Variants in EFNB2 observed in about 807,000 individuals in gnomAD.
The protein encoded by EFNB2 is ephrin-B2.
Under a neutral mutation model 32.1 loss-of-function variants are expected in EFNB2, and 5 were observed. The observed-to-expected ratio is 0.16, with a 90% CI of 0.08 to 0.33. The LOEUF is 0.33. EFNB2 is among the 10% of genes least tolerant of loss of function. The pLI is 1.00. For missense variants in EFNB2, 263 were observed against 422.6 expected, an observed-to-expected ratio of 0.62 and a Z score of 3.31; for synonymous variants, 168 against 166.5, an observed-to-expected ratio of 1.01 and a Z score of -0.07.
rs1262087515 is a variant in EFNB2 at position 106,493,246 on chromosome 13, T to C, written c.796A>G (p.Thr266Ala). The change falls in exon 5 of 5, where the codon ACG becomes GCG. Residue 266 changes from threonine (T) to alanine (A), a missense_variant. Physicochemically the swap from Thr to Ala is moderately conservative, Grantham distance 58 (BLOSUM62 0). Around this residue, in one of 3 missense-constraint regions of EFNB2, gnomAD observed 172 missense variants for 237.1 expected, o/e 0.73. Coordinates refer to ENST00000646441, the MANE Select transcript of EFNB2 (RefSeq NM_004093.4). This position sits in a 1 kb window ranked among gnomAD's most constrained non-coding sequence, Gnocchi z 6.1. ...GTGGCCAGTGTGCTGAGCGACAGCG[T>C]GGTCGTGTGCTGCGGCGAGTGCTTC... The part of the protein sequence containing the change: ...HRKHSPQHTT[T>A]LSLSTLATPK... 6.2e-7 allele frequency: 1 copy of C among 1,614,150 alleles called. No individual in the cohort carries two copies. The highest frequency in any genetic ancestry group is 1.1e-5 in the South Asian group (1 of 91,074).
chr13:106,493,404 G>T lies in EFNB2; in HGVS notation c.638C>A (p.Ala213Asp). ...NPGSSTDGNS[A>D]GHSGNNILGS... is the part of the protein sequence containing the mutation. ...GAGGATGTTGTTCCCCGAATGTCCG[G>T]CGCTGTTGCCGTCTGTGCTAGAACC... The change falls in exon 5 of 5, where the codon GCC (alanine) becomes GAC (aspartate). Residue 213 changes from alanine (A) to aspartate (D), a missense_variant. Ala to Asp is a moderately radical substitution (Grantham distance 126). Around this residue, in one of 3 missense-constraint regions of EFNB2, gnomAD observed 172 missense variants for 237.1 expected, o/e 0.73. Coordinates refer to ENST00000646441, the MANE Select transcript of EFNB2 (RefSeq NM_004093.4). The surrounding 1 kb of genome is among the most constrained non-coding windows in gnomAD (Gnocchi z 6.1). 1 of 1,613,360 alleles carries T rather than the reference G, an allele frequency of 6.2e-7. No homozygotes were observed. The highest frequency in any genetic ancestry group is 1.3e-5 in the African/African-American group (1 of 75,038).
intron 1 of EFNB2, among the ~76,000 whole-genome samples, chr13:106,529,522 C>T (rs1879807081): frequency 6.6e-6 from 1 of 152,192 alleles, no homozygotes; most frequent in African/African-American, 2.4e-5. Flanking sequence ...TCAGCCATCC[C>T]AGACCACAAG....
At chr13:106,521,101 T>C (rs1254321152) in intron 1 of EFNB2, 1 of 152,088 alleles carries the variant, frequency 6.6e-6, no homozygotes. Context: ...TTTCACACTT[T>C]CCTAAAACAA....
At chr13:106,531,994 A>C (rs532288303) in intron 1 of EFNB2, among the ~76,000 whole-genome samples, 2 of 152,086 alleles carry the variant, frequency 1.3e-5, no homozygotes, top group South Asian at 4.2e-4. Context: ...TCTTGGAAGA[A>C]AATGTTCTAC....
In EFNB2 at chr13:106,493,222, T is replaced by C. The variant is rs1878472506; in HGVS notation, c.820A>G (p.Thr274Ala). 1 of 1,614,102 alleles carries C rather than the reference T, an allele frequency of 6.2e-7. No individual in the cohort carries two copies. The highest frequency in any genetic ancestry group is 1.7e-5 in the Admixed American group (1 of 60,004). Residue 274 changes from threonine to alanine, a missense_variant, in exon 5 of 5, where the codon ACA becomes GCA. Around this residue, in one of 3 missense-constraint regions of EFNB2, gnomAD observed 172 missense variants for 237.1 expected, o/e 0.73. Coordinates refer to ENST00000646441, the MANE Select transcript of EFNB2 (RefSeq NM_004093.4). The surrounding 1 kb of genome is among the most constrained non-coding windows in gnomAD (Gnocchi z 6.1). ...TTTLSLSTLA[T>A]PKRSGNNNGS... Reference sequence around the variant, plus strand: ...TTGTTGTTGCCGCTGCGCTTGGGTGTGGCCAGTGTGCTGAGCGACAGCGTG... The same window carrying C: ...TTGTTGTTGCCGCTGCGCTTGGGTGCGGCCAGTGTGCTGAGCGACAGCGTG...
intron 2 of EFNB2, chr13:106,505,987 CGA>C (rs1373885207): frequency 2.0e-5 from 3 of 152,200 alleles, no homozygotes; most frequent in Non-Finnish European, 4.4e-5. Flanking sequence ...CCGCTATACC[CGA>C]GAGCCAGGAG....
intron 1 of EFNB2, among the ~76,000 whole-genome samples, chr13:106,514,708 C>T (rs1243943259): frequency 1.3e-5 from 2 of 152,128 alleles, no homozygotes; most frequent in Non-Finnish European, 2.9e-5. Flanking sequence ...GTTTCTCATA[C>T]ACTCCAAACC....
intron 2 of EFNB2, among the ~76,000 whole-genome samples, chr13:106,500,017 T>TA (rs1262680103): frequency 6.6e-6 from 1 of 152,226 alleles, no homozygotes; most frequent in East Asian, 1.9e-4. Context: ...TATTTGCACC[T>TA]ATACTTATCT....
rs1170645722 is a variant in EFNB2 at position 106,492,083 on chromosome 13, C to T, written c.*957G>A. The T allele has an allele frequency of 6.6e-6, 1 of 152,664 alleles. No homozygotes were observed. Among genetic ancestry groups the T allele is most frequent in the African/African-American group, 2.4e-5 (1 of 41,442 alleles). The allele number at this position is 152,664 out of a possible 1,614,324, so 9.5% of individuals were successfully genotyped here. ...CCCAACAATACCCGTCTTTGTTCCC[C>T]GGAATGAAGAGGGGCTTTTCTTCCT... is the stretch of plus-strand genomic sequence containing the variant. On this transcript the variant is annotated 3_prime_UTR_variant, in exon 5 of 5. Coordinates refer to ENST00000646441, the MANE Select transcript of EFNB2 (RefSeq NM_004093.4). This position sits in a 1 kb window ranked among gnomAD's most constrained non-coding sequence, Gnocchi z 5.1.
In EFNB2 at chr13:106,518,687, C is replaced by T. The variant is rs1015032979; in HGVS notation, c.123-5875G>A. 1 of 152,114 alleles carries T rather than the reference C, an allele frequency of 6.6e-6. No homozygotes were observed. The highest frequency in any genetic ancestry group is 1.5e-5 in the Non-Finnish European group (1 of 68,046). The allele number at this position is 152,114 out of a possible 1,614,324, so 9.4% of individuals were successfully genotyped here. A position where few individuals can be genotyped will look rare whatever the true frequency, so the allele number is the denominator to read the frequency against. ...CTTTGCCCAGTGTAATAGGAGGATC[C>T]GTGGGAAGCCAGCAGTGGAGAAGTT... On this transcript the variant is annotated intron_variant, in intron 1 of 4. Transcript: ENST00000646441. The surrounding 1 kb of genome is among the most constrained non-coding windows in gnomAD (Gnocchi z 4.1).
In EFNB2 at chr13:106,534,972, C is replaced by A. The variant is rs1001802406; in HGVS notation, c.-8G>T. 1.2e-6 allele frequency: 2 copies of A among 1,612,482 alleles called. No homozygotes were observed. Among genetic ancestry groups the A allele is most frequent in the African/African-American group, 2.7e-5 (2 of 74,880 alleles). On this transcript the variant is annotated 5_prime_UTR_variant, in exon 1 of 5. Transcript: ENST00000646441. Reference sequence around the variant, plus strand: ...GTCCCTTCTCACAGCCATGGCGAAGCCACTCCCAGCTCCGCGCACTCCGGG... The same window carrying A: ...GTCCCTTCTCACAGCCATGGCGAAGACACTCCCAGCTCCGCGCACTCCGGG...
intron 1 of EFNB2, among the ~76,000 whole-genome samples, chr13:106,526,694 A>G (rs1274979053): frequency 2.0e-5 from 3 of 152,154 alleles, no homozygotes; most frequent in Non-Finnish European, 4.4e-5. Context: ...CTTCTTCTGC[A>G]GCTAGGTACA....
Position 106,533,102 on chromosome 13 carries a change from G to GAAA in EFNB2, c.122+1738_122+1740dup, listed in dbSNP as rs61297084. On this transcript the variant is annotated intron_variant, in intron 1 of 4. Transcript: ENST00000646441. Reference sequence around the variant, plus strand: ...AAACAGAAATATTAAATCCTCATAAGAAAAAAAAAAACAGCCTCAAAGAGA... The same window carrying GAAA: ...AAACAGAAATATTAAATCCTCATAAGAAAAAAAAAAAAAACAGCCTCAAAGAGA... Among the ~76,000 whole-genome samples, 853 of 147,446 alleles carry GAAA rather than the reference G, an allele frequency of 5.8e-3. 7 individuals are homozygous for GAAA. The highest frequency in any genetic ancestry group is 0.018 in the African/African-American group (742 of 40,324).
At position 106,504,282 on chromosome 13, in the gene EFNB2, G is replaced by A. The variant is rs2138911167; in HGVS notation, c.406+8247C>T. On this transcript the variant is annotated intron_variant, in intron 2 of 4. Coordinates refer to ENST00000646441, the MANE Select transcript of EFNB2 (RefSeq NM_004093.4). ...ATTGCGAGACGAGTGGCACTGAAGT[G>A]GAAAACATCCATCGGAGGCAGAGTT... 2.0e-5 allele frequency among the ~76,000 whole-genome samples: 3 copies of A among 152,330 alleles called. No individual in the cohort carries two copies. In the South Asian group the frequency reaches 6.2e-4, roughly 32 times the overall value.
At chr13:106,507,913 A>G (rs1342173166) in intron 2 of EFNB2, among the ~76,000 whole-genome samples, 1 of 152,228 alleles carries the variant, frequency 6.6e-6, no homozygotes, top group Non-Finnish European at 1.5e-5. Flanking sequence ...CTAAATTGGG[A>G]GGCGCTTCAT....
intron 2 of EFNB2, among the ~76,000 whole-genome samples, chr13:106,500,597 G>A (rs902765517): frequency 1.4e-4 from 22 of 152,142 alleles, no homozygotes; most frequent in African/African-American, 4.6e-4. Flanking sequence ...CCACAGAGTC[G>A]TCAGAATAAA....
At chr13:106,513,308 A>G (rs1347648990) in intron 1 of EFNB2, among the ~76,000 whole-genome samples, 1 of 152,228 alleles carries the variant, frequency 6.6e-6, no homozygotes. Flanking sequence ...GACAAGTTTC[A>G]TCAAGAATGT....
At position 106,493,520 on chromosome 13, in the gene EFNB2, A is replaced by G; in HGVS notation, c.614-92T>C. The G allele has an allele frequency of 6.7e-7, 1 of 1,488,006 alleles. No individual in the cohort carries two copies. Among genetic ancestry groups the G allele is most frequent in the Non-Finnish European group, 8.9e-7 (1 of 1,118,408 alleles). The allele number at this position is 1,488,006 out of a possible 1,614,324, so 92.2% of individuals were successfully genotyped here. A position where few individuals can be genotyped will look rare whatever the true frequency, so the allele number is the denominator to read the frequency against. ...TATGACCCTTAAAAATGTGAAAAAT[A>G]AGCCAGGCTTATTACTAACTAGAAG... On this transcript the variant is annotated intron_variant, in intron 4 of 4. Transcript: ENST00000646441. The surrounding 1 kb of genome is among the most constrained non-coding windows in gnomAD (Gnocchi z 6.1).
At chr13:106,494,152 T>A (rs1338289173) in intron 4 of EFNB2, among the ~76,000 whole-genome samples, 1 of 152,328 alleles carries the variant, frequency 6.6e-6, no homozygotes, top group African/African-American at 2.4e-5. Context: ...CCTCCTTGAC[T>A]CTTGGAAAGG....
Sources: gnomAD v4.1 joint callset for allele counts (sites outside exome capture counted in the v4.1 genomes callset) on GRCh38, gnomAD v4.1.1 for gene constraint, gnomAD v4.1.1 regional missense constraint, Gnocchi (gnomAD v3.1) non-coding constraint, MANE v1.5 for transcripts, NCBI Gene and HGNC (gene_info 2026-07-23, HGNC 2026-07-21) for gene names.